SHISA9: variants seen among roughly 807,000 people sequenced by gnomAD.
The protein encoded by SHISA9 is protein shisa-9.
In SHISA9, 13 loss-of-function variants were observed where a neutral mutation model predicts 38.0. The ratio of observed to expected loss-of-function variants is 0.34; its 90% confidence interval spans 0.22 to 0.54. The LOEUF (loss-of-function observed/expected upper bound fraction) is 0.54. SHISA9 is among the 20% of genes least tolerant of loss of function. SHISA9 has a pLI of 0.91. For synonymous variants in SHISA9, 275 were observed against 242.0 expected, an observed-to-expected ratio of 1.14 and a Z score of -1.27; for missense variants, 538 against 575.8, an observed-to-expected ratio of 0.93 and a Z score of 0.67.
intron 2 of SHISA9, among the ~76,000 whole-genome samples, chr16:12,990,915 A>G (rs2141832270): frequency 6.6e-6 from 1 of 152,330 alleles, no homozygotes; most frequent in East Asian, 1.9e-4. Flanking sequence ...GGGAATTACT[A>G]ACTCAAAGAT....
intron 4 of SHISA9, among the ~76,000 whole-genome samples, chr16:13,229,123 G>A (rs577841539): frequency 3.9e-5 from 6 of 152,194 alleles, no homozygotes; most frequent in East Asian, 3.9e-4. Context: ...CTGTGCCACC[G>A]CACTCCAGCC....
intron 4 of SHISA9, among the ~76,000 whole-genome samples, chr16:13,233,739 G>A (rs2051354290): frequency 6.6e-6 from 1 of 152,252 alleles, no homozygotes; most frequent in Non-Finnish European, 1.5e-5. Context: ...GCCTGGTGCG[G>A]TAGCTCACAC....
chr16:13,380,094 A>G, the SHISA9 span, among the ~76,000 whole-genome samples: 6 of 152,302 alleles, frequency 3.9e-5, no homozygotes, highest in East Asian at 1.2e-3. Context: ...TACAGAACAC[A>G]GAGATACATA....
chr16:12,938,959 A>G (rs1421805877), intron 2 of SHISA9, among the ~76,000 whole-genome samples: 1 of 152,176 alleles, frequency 6.6e-6, no homozygotes, highest in Non-Finnish European at 1.5e-5. Context: ...CCATGTTCCA[A>G]GTAAGCATTG....
the SHISA9 span, among the ~76,000 whole-genome samples, chr16:13,559,093 C>T: frequency 6.6e-6 from 1 of 152,234 alleles, no homozygotes. Flanking sequence ...TTGTTCACCA[C>T]TTTCTCTCTA....
chr16:13,285,084 C>G, the SHISA9 span, among the ~76,000 whole-genome samples: 1 of 152,004 alleles, frequency 6.6e-6, no homozygotes, highest in Non-Finnish European at 1.5e-5. Context: ...CTTTTACATT[C>G]CACCCATCTA....
the SHISA9 span, among the ~76,000 whole-genome samples, chr16:13,295,040 G>A: frequency 6.6e-6 from 1 of 152,098 alleles, no homozygotes; most frequent in Non-Finnish European, 1.5e-5. Context: ...AAAAACTGGG[G>A]AATAGAAAGG....
intron 2 of SHISA9, among the ~76,000 whole-genome samples, chr16:12,938,654 C>T (rs558022510): frequency 3.6e-4 from 55 of 152,188 alleles, no homozygotes; most frequent in African/African-American, 1.2e-3. Context: ...CCTGCCACCA[C>T]GCCCAGCTAA....
At chr16:13,020,403 G>T (rs1007286931) in intron 2 of SHISA9, among the ~76,000 whole-genome samples, 1 of 152,014 alleles carries the variant, frequency 6.6e-6, no homozygotes, top group East Asian at 1.9e-4. Context: ...TTGCTCCCCC[G>T]TATGTATCCA....
At chr16:13,015,195 A>G (rs2072726435) in intron 2 of SHISA9, among the ~76,000 whole-genome samples, 1 of 152,230 alleles carries the variant, frequency 6.6e-6, no homozygotes, top group African/African-American at 2.4e-5. Flanking sequence ...ATGCTTATTC[A>G]TTTATGTATT....
the SHISA9 span, among the ~76,000 whole-genome samples, chr16:13,281,909 C>T: frequency 6.6e-6 from 1 of 151,614 alleles, no homozygotes; most frequent in Non-Finnish European, 1.5e-5. Flanking sequence ...CCTTATGATG[C>T]TTTATATACT....
chr16:13,019,772 C>CTTTCT (rs1200805537), intron 2 of SHISA9, among the ~76,000 whole-genome samples: 1 of 59,288 alleles, frequency 1.7e-5, no homozygotes, highest in Non-Finnish European at 3.4e-5. Context: ...TCTTTTCTTT[C>CTTTCT]TTTCTTTCTT....
intron 4 of SHISA9, among the ~76,000 whole-genome samples, chr16:13,213,507 G>GTGGTAGCCCTCAC: frequency 6.6e-6 from 1 of 152,230 alleles, no homozygotes; most frequent in Non-Finnish European, 1.5e-5. Context: ...GTTGGACAAC[G>GTGGTAGCCCTCAC]TGGTAGCCCT....
Position 13,238,445 on chromosome 16 carries a change from C to T in SHISA9, c.*3036C>T, listed in dbSNP as rs1371627734. The stretch of plus-strand genomic sequence containing the variant: ...CCTTTTACCTCGTGGTTGCTCTTTG[C>T]CCCCAGTCCACTTCGTCCCACCCTT... On this transcript the variant is annotated 3_prime_UTR_variant, in exon 5 of 5. Transcript: ENST00000558583. 1.3e-5 allele frequency: 2 copies of T among 152,174 alleles called. No homozygotes were observed. The highest frequency in any genetic ancestry group is 1.9e-4 in the East Asian group (1 of 5,196). The allele number at this position is 152,174 out of a possible 1,614,324, so 9.4% of individuals were successfully genotyped here.
chr16:12,933,981 A>G (rs998670093), intron 2 of SHISA9, among the ~76,000 whole-genome samples: 5 of 152,190 alleles, frequency 3.3e-5, no homozygotes, highest in African/African-American at 1.2e-4. Context: ...GTGATCATTA[A>G]GATGAGACCC....
the SHISA9 span, among the ~76,000 whole-genome samples, chr16:13,491,600 C>T: frequency 6.6e-6 from 1 of 151,754 alleles, no homozygotes; most frequent in African/African-American, 2.4e-5. Flanking sequence ...CAATTATTCT[C>T]ACTCAGCCTC....
the SHISA9 span, among the ~76,000 whole-genome samples, chr16:13,498,427 C>G: frequency 6.6e-6 from 1 of 152,088 alleles, no homozygotes; most frequent in African/African-American, 2.4e-5. Context: ...TATTCAGTTT[C>G]CTTTACACAA....
intron 2 of SHISA9, among the ~76,000 whole-genome samples, chr16:13,175,857 G>A (rs995037866): frequency 4.6e-5 from 7 of 152,176 alleles, no homozygotes; most frequent in East Asian, 1.9e-4. Context: ...TCCTTAGAAC[G>A]TCACATGTGA....
chr16:13,008,678 C>CCTCT (rs377118345), intron 2 of SHISA9, among the ~76,000 whole-genome samples: 15 of 125,354 alleles, frequency 1.2e-4, no homozygotes, highest in South Asian at 2.7e-4. Context: ...TCCCTCCCTC[C>CCTCT]CTCTCTCTCT....
Sources: gnomAD v4.1 joint callset for allele counts (sites outside exome capture counted in the v4.1 genomes callset) on GRCh38, gnomAD v4.1.1 for gene constraint, MANE v1.5 for transcripts, NCBI Gene and HGNC (gene_info 2026-07-23, HGNC 2026-07-21) for gene names.